Variants in PCDHA13 observed in about 807,000 individuals in gnomAD.
The protein encoded by PCDHA13 is protocadherin alpha 13, also known as protocadherin alpha-13.
In PCDHA13, 54 loss-of-function variants were observed where a neutral mutation model predicts 64.8. The ratio of observed to expected loss-of-function variants is 0.83; its 90% CI spans 0.67 to 1.04. The LOEUF is 1.04. PCDHA13 is among the 50% of genes least tolerant of loss of function. PCDHA13 has a pLI of 0.00. For synonymous variants in PCDHA13, 587 were observed against 564.4 expected (o/e 1.04, Z -0.57); for missense variants, 1,248 against 1,254.3 (o/e 0.99, Z 0.08).
chr5:140,927,073 C>T (rs782173390), intron 1 of PCDHA13: 11 of 1,611,108 alleles, frequency 6.8e-6, no homozygotes, highest in Middle Eastern at 1.7e-4. Context: ...CCTTTCCAGC[C>T]ACCGCGAGCT....
chr5:140,952,121 C>A (rs993598007), intron 1 of PCDHA13, among the ~76,000 whole-genome samples: 1 of 152,102 alleles, frequency 6.6e-6, no homozygotes, highest in Non-Finnish European at 1.5e-5. Context: ...GGGATGGGCT[C>A]CCAAGGCCTT....
At chr5:140,948,321 T>C (rs922752818) in intron 1 of PCDHA13, among the ~76,000 whole-genome samples, 7 of 151,748 alleles carry the variant, frequency 4.6e-5, no homozygotes, top group South Asian at 4.1e-4. Flanking sequence ...AGGGGTAATG[T>C]TTTCATTAGG....
At chr5:140,946,474 A>G (rs2093947876) in intron 1 of PCDHA13, among the ~76,000 whole-genome samples, 1 of 151,798 alleles carries the variant, frequency 6.6e-6, no homozygotes, top group Non-Finnish European at 1.5e-5. Context: ...ACTACTGGGT[A>G]TATATCCAAA....
intron 1 of PCDHA13, among the ~76,000 whole-genome samples, chr5:140,931,556 A>T (rs2153608416): frequency 6.6e-6 from 1 of 152,166 alleles, no homozygotes; most frequent in East Asian, 1.9e-4. Context: ...ATGTGCAGGA[A>T]TATTGTACCA....
intron 1 of PCDHA13, among the ~76,000 whole-genome samples, chr5:140,900,319 C>T (rs1032725241): frequency 3.3e-5 from 5 of 152,046 alleles, no homozygotes; most frequent in Non-Finnish European, 7.3e-5. Flanking sequence ...CTTTTGTCGC[C>T]CAGGCTGGAG....
At position 140,883,239 on chromosome 5, in the gene PCDHA13, A is replaced by ACAAAGGAAATATTC; in HGVS notation, c.975_988dup (p.Met330LysfsTer17). On this transcript the variant is annotated frameshift_variant, in exon 1 of 4. Transcript: ENST00000289272. LOFTEE classifies it high-confidence loss of function. The stretch of plus-strand genomic sequence containing the variant: ...TATGAAATATCCGTGGAGGCAGTTG[A>ACAAAGGAAATATTC]CAAAGGAAATATTCCAATGGCGGGT... 6.2e-7 allele frequency: 1 copy of ACAAAGGAAATATTC among 1,614,096 alleles called. No individual in the cohort carries two copies. The highest frequency in any genetic ancestry group is 8.5e-7 in the Non-Finnish European group (1 of 1,180,020).
chr5:140,966,885 C>A (rs1554228854), intron 1 of PCDHA13: 1 of 1,590,816 alleles, frequency 6.3e-7, no homozygotes, highest in Admixed American at 1.7e-5. Flanking sequence ...CCTGGCCCTG[C>A]GGCCTCCCAG....
chr5:141,001,670 C>T (rs1554258276), intron 3 of PCDHA13, among the ~76,000 whole-genome samples: 1 of 151,900 alleles, frequency 6.6e-6, no homozygotes, highest in African/African-American at 2.4e-5. Flanking sequence ...CTTGTCCAGT[C>T]GGTCCAACAA....
At chr5:140,958,593 A>G (rs1412529643) in intron 1 of PCDHA13, among the ~76,000 whole-genome samples, 2 of 152,214 alleles carry the variant, frequency 1.3e-5, no homozygotes, top group African/African-American at 4.8e-5. Context: ...GCTTATGATA[A>G]TTGGATCAAA....
At chr5:140,943,257 CAA>C (rs1238620023) in intron 1 of PCDHA13, among the ~76,000 whole-genome samples, 5 of 77,564 alleles carry the variant, frequency 6.4e-5, no homozygotes, top group Non-Finnish European at 2.5e-5. Flanking sequence ...GACTCTGTCT[CAA>C]AAAAAAAAAA....
At chr5:140,997,668 T>TTGTGTGTGTG (rs35184029) in intron 3 of PCDHA13, among the ~76,000 whole-genome samples, 47 of 148,344 alleles carry the variant, frequency 3.2e-4, no homozygotes, top group East Asian at 1.8e-3. Flanking sequence ...ATTATACAGC[T>TTGTGTGTGTG]TGTGTGTGTG....
At chr5:140,973,325 A>G (rs180770098) in intron 1 of PCDHA13, among the ~76,000 whole-genome samples, 71 of 152,216 alleles carry the variant, frequency 4.7e-4, no homozygotes, top group African/African-American at 1.7e-3. Context: ...CAGAGTTTAC[A>G]CTCGTTGTAA....
chr5:140,936,780 T>C (rs2091148034), intron 1 of PCDHA13, among the ~76,000 whole-genome samples: 1 of 152,224 alleles, frequency 6.6e-6, no homozygotes, highest in Non-Finnish European at 1.5e-5. Flanking sequence ...TCTCTCACTT[T>C]GTTATTCTGC....
intron 1 of PCDHA13, among the ~76,000 whole-genome samples, chr5:140,952,723 A>G (rs979234260): frequency 6.6e-6 from 1 of 152,168 alleles, no homozygotes; most frequent in Non-Finnish European, 1.5e-5. Flanking sequence ...AATTTTCTGT[A>G]CTAGTCTTTT....
intron 1 of PCDHA13, among the ~76,000 whole-genome samples, chr5:140,919,088 T>C (rs2153552205): frequency 6.6e-6 from 1 of 152,378 alleles, no homozygotes; most frequent in South Asian, 2.1e-4. Context: ...TATTGAATTG[T>C]CTATTTCTCC....
intron 3 of PCDHA13, among the ~76,000 whole-genome samples, chr5:140,997,165 G>A (rs1554255769): frequency 6.6e-6 from 1 of 151,976 alleles, no homozygotes; most frequent in African/African-American, 2.4e-5. Flanking sequence ...CCTGCCCAGA[G>A]TGGTACATTC....
intron 1 of PCDHA13, chr5:140,927,638 G>A (rs781909639): frequency 1.2e-6 from 2 of 1,614,142 alleles, no homozygotes; most frequent in Admixed American, 1.7e-5. Context: ...GCACCCAATG[G>A]GACTGTGTTA....
At chr5:140,892,439 T>G (rs2063514217) in intron 1 of PCDHA13, among the ~76,000 whole-genome samples, 1 of 152,206 alleles carries the variant, frequency 6.6e-6, no homozygotes, top group Non-Finnish European at 1.5e-5. Context: ...TTATCTAAAA[T>G]TTACATGTAT....
intron 1 of PCDHA13, among the ~76,000 whole-genome samples, chr5:140,963,550 A>G (rs1484541648): frequency 6.6e-6 from 1 of 152,202 alleles, no homozygotes; most frequent in Non-Finnish European, 1.5e-5. Context: ...TGATATAAAA[A>G]GGGGCTGTTT....
Sources: allele counts gnomAD v4.1 joint callset (sites outside exome capture counted in the v4.1 genomes callset), GRCh38; gene constraint gnomAD v4.1.1; transcripts MANE v1.5; gene names NCBI Gene and HGNC (gene_info 2026-07-23, HGNC 2026-07-21).